GIN1: variants seen among roughly 807,000 people sequenced by gnomAD.
GIN1 encodes the protein gypsy retrotransposon integrase-like protein 1.
In GIN1, 41 loss-of-function variants were observed where a neutral mutation model predicts 51.4. That is an observed-to-expected ratio of 0.80 (90% CI 0.62 to 1.04). The LOEUF (loss-of-function observed/expected upper bound fraction) is 1.04. GIN1 is among the 50% of genes least tolerant of loss of function. The pLI is 0.00. For missense variants in GIN1, 610 were observed against 612.4 expected, an observed-to-expected ratio of 1.00 and a Z score of 0.04; for synonymous variants, 222 against 206.5, an observed-to-expected ratio of 1.07 and a Z score of -0.64.
At chr5:103,116,089 TC>T (rs1430187334) in intron 1 of GIN1, among the ~76,000 whole-genome samples, 1 of 152,106 alleles carries the variant, frequency 6.6e-6, no homozygotes, top group Non-Finnish European at 1.5e-5. Flanking sequence ...TTCAATGCAG[TC>T]CCAATCAGGA....
intron 3 of GIN1, among the ~76,000 whole-genome samples, chr5:103,105,679 A>G (rs1787704271): frequency 6.6e-6 from 1 of 152,166 alleles, no homozygotes; most frequent in South Asian, 2.1e-4. Flanking sequence ...TTCTCAATGT[A>G]TCTCTGGAAT....
In GIN1 at chr5:103,087,878, T is replaced by G; in HGVS notation, c.*20A>C. On this transcript the variant is annotated 3_prime_UTR_variant, in exon 8 of 8. Transcript: ENST00000399004. ...GAATTTATATTCTAAACAAACAATT[T>G]AAATAAATTTTGGTATTTACTAACT... is the stretch of plus-strand genomic sequence containing the variant. The G allele has an allele frequency of 1.9e-6, 2 of 1,062,496 alleles. No homozygotes were observed. The highest frequency in any genetic ancestry group is 2.7e-6 in the Non-Finnish European group (2 of 742,308). The allele number at this position is 1,062,496 out of a possible 1,614,324, so 65.8% of individuals were successfully genotyped here.
At chr5:103,113,186 T>G (rs1554197068) in intron 1 of GIN1, among the ~76,000 whole-genome samples, 1 of 152,170 alleles carries the variant, frequency 6.6e-6, no homozygotes, top group Non-Finnish European at 1.5e-5. Context: ...AACACAAATC[T>G]TATCAAAATA....
At chr5:103,088,744 T>G (rs551479987) in intron 7 of GIN1, among the ~76,000 whole-genome samples, 2 of 152,132 alleles carry the variant, frequency 1.3e-5, no homozygotes, top group East Asian at 1.9e-4. Context: ...CAGTGAGCCA[T>G]GATGGCACCA....
intron 1 of GIN1, among the ~76,000 whole-genome samples, chr5:103,118,544 C>T (rs1257688832): frequency 6.6e-6 from 1 of 152,068 alleles, no homozygotes; most frequent in African/African-American, 2.4e-5. Flanking sequence ...AGAAGACTCA[C>T]GAATTGTATC....
chr5:103,104,716 T>C lies in GIN1; in HGVS notation c.464A>G (p.Asn155Ser), dbSNP rs1554196098. ...GATTATAGCATATACATGACTTCTG[T>C]TGCTTGTATGAAAAGGCCCCATCAG... is the stretch of plus-strand genomic sequence containing the variant. ...VDLMGPFHTS[N>S]RSHVYAIIMT... Residue 155 changes from asparagine to serine, a missense_variant, in exon 4 of 8, where the codon AAC becomes AGC. Coordinates refer to ENST00000399004, the MANE Select transcript of GIN1 (RefSeq NM_017676.2). The C allele has an allele frequency of 5.6e-6, 9 of 1,612,890 alleles. No individual in the cohort carries two copies. The highest frequency in any genetic ancestry group is 1.6e-4 in the Middle Eastern group (1 of 6,082).
intron 4 of GIN1, among the ~76,000 whole-genome samples, chr5:103,103,809 A>G (rs1227727447): frequency 2.6e-5 from 4 of 152,062 alleles, no homozygotes; most frequent in Non-Finnish European, 2.9e-5. Context: ...TTATTTTTTG[A>G]GACAAGGTCT....
intron 1 of GIN1, among the ~76,000 whole-genome samples, chr5:103,110,507 T>C (rs1320245967): frequency 6.6e-6 from 1 of 152,158 alleles, no homozygotes; most frequent in African/African-American, 2.4e-5. Flanking sequence ...ACATCATTAT[T>C]CCACAGGGCA....
At chr5:103,097,887 C>G in intron 4 of GIN1, 106 bp from the exon 5 acceptor site, 1 of 600,788 alleles carries the variant, frequency 1.7e-6, no homozygotes. Flanking sequence ...TTTTATTTAT[C>G]TATTTATTTT....
intron 4 of GIN1, chr5:103,102,219 A>G (rs542686621): frequency 1.3e-5 from 2 of 152,336 alleles, no homozygotes; most frequent in Non-Finnish European, 2.9e-5. Context: ...AAATCATATT[A>G]CAGATATAAT....
At chr5:103,104,295 A>C (rs1422666499) in intron 4 of GIN1, among the ~76,000 whole-genome samples, 2 of 152,192 alleles carry the variant, frequency 1.3e-5, no homozygotes, top group Non-Finnish European at 1.5e-5. Context: ...TATTTGGTCC[A>C]ACCTCCTCAT....
chr5:103,087,822 A>G lies in GIN1; in HGVS notation c.*76T>C. 1.6e-6 allele frequency: 1 copy of G among 624,204 alleles called. No homozygotes were observed. Among genetic ancestry groups the G allele is most frequent in the Non-Finnish European group, 2.7e-6 (1 of 367,894 alleles). 38.7% of individuals were successfully genotyped at this position (624,204 alleles called of 1,614,324 possible). A position where few individuals can be genotyped will look rare whatever the true frequency, so the allele number is the denominator to read the frequency against. Reference sequence around the variant, plus strand: ...GAATGTGTCAAGATACTTCTTCTATACAACGTTTTTAATGAATAAGATATC... The same window carrying G: ...GAATGTGTCAAGATACTTCTTCTATGCAACGTTTTTAATGAATAAGATATC... On this transcript the variant is annotated 3_prime_UTR_variant, in exon 8 of 8. Transcript: ENST00000399004.
chr5:103,099,509 T>C (rs2097607037), intron 4 of GIN1, among the ~76,000 whole-genome samples: 2 of 152,144 alleles, frequency 1.3e-5, no homozygotes, highest in Non-Finnish European at 1.5e-5. Flanking sequence ...TCCCAAAGAA[T>C]AGGTGTCATT....
At chr5:103,091,266 T>C (rs1562324468) in intron 7 of GIN1, among the ~76,000 whole-genome samples, 1 of 152,166 alleles carries the variant, frequency 6.6e-6, no homozygotes, top group Non-Finnish European at 1.5e-5. Flanking sequence ...TTAAGGTTAT[T>C]TTCATTTATT....
intron 1 of GIN1, among the ~76,000 whole-genome samples, chr5:103,119,400 T>C (rs1788273143): frequency 6.6e-6 from 1 of 152,224 alleles, no homozygotes; most frequent in African/African-American, 2.4e-5. Flanking sequence ...GTAATCTGGT[T>C]CACTTCAGAG....
intron 7 of GIN1, among the ~76,000 whole-genome samples, chr5:103,090,497 C>T (rs1322275364): frequency 2.6e-5 from 4 of 152,138 alleles, no homozygotes; most frequent in Non-Finnish European, 5.9e-5. Flanking sequence ...ATAGGGTAAA[C>T]ATGTTGCTGA....
chr5:103,103,880 C>T (rs984193971), intron 4 of GIN1, among the ~76,000 whole-genome samples: 1 of 152,150 alleles, frequency 6.6e-6, no homozygotes, highest in Non-Finnish European at 1.5e-5. Flanking sequence ...ACCTCCGCCT[C>T]CCGGGCTCAA....
intron 2 of GIN1, 90 bp downstream of exon 2, chr5:103,108,479 C>T: frequency 1.2e-6 from 1 of 843,914 alleles, no homozygotes; most frequent in Non-Finnish European, 1.9e-6. Flanking sequence ...TAGCAACAAC[C>T]AACTACTACA....
chr5:103,111,711 T>A (rs530635899), intron 1 of GIN1, among the ~76,000 whole-genome samples: 2 of 152,156 alleles, frequency 1.3e-5, no homozygotes, highest in Non-Finnish European at 2.9e-5. Context: ...AAACCAGCCA[T>A]TGGAAAAAAA....
Sources: gnomAD v4.1 joint callset for allele counts (sites outside exome capture counted in the v4.1 genomes callset) on GRCh38, gnomAD v4.1.1 for gene constraint, MANE v1.5 for transcripts, NCBI Gene and HGNC (gene_info 2026-07-23, HGNC 2026-07-21) for gene names.